The following STK31 variants were observed in gnomAD, a reference collection of about 807,000 sequenced individuals.
STK31 encodes serine/threonine-protein kinase 31.
A neutral mutation model predicts 129.7 loss-of-function variants in STK31; 89 were observed. The observed-to-expected ratio is 0.69, with a 90% CI of 0.58 to 0.82. STK31 has a LOEUF of 0.82. Ranked by LOEUF, STK31 falls within the 40% of genes least tolerant of loss-of-function variation. The pLI is 0.00. For missense variants in STK31, 1,187 were observed against 1,176.4 expected (o/e 1.01, Z -0.13); for synonymous variants, 448 against 395.3 (o/e 1.13, Z -1.58).
rs573951042 is a variant in STK31 at position 23,710,461 on chromosome 7, C to T, written c.50+126C>T. ...TTCAGGGTTTTCTGTCACCTTCTAG[C>T]CGCCCGCCACCCCAGAGGGGTGCCA... On this transcript the variant is annotated intron_variant, in intron 1 of 23. Coordinates refer to ENST00000355870, the MANE Select transcript of STK31 (RefSeq NM_031414.5). The T allele has an allele frequency of 1.2e-5, 19 of 1,556,314 alleles. No individual in the cohort carries two copies. In the South Asian group the frequency reaches 1.8e-4, roughly 15 times the overall value.
chr7:23,721,692 G>T, intron 4 of STK31: 1 of 798,448 alleles, frequency 1.3e-6, no homozygotes, highest in South Asian at 1.3e-5. Context: ...ACAGAATCTG[G>T]TTTACCATTA....
At chr7:23,769,308 T>A in intron 12 of STK31, 134 bp downstream of exon 12, 1 of 785,424 alleles carries the variant, frequency 1.3e-6, no homozygotes. Context: ...ACCTTACCAG[T>A]CAAGGTTCTT....
rs1187851647 is a variant in STK31, at chr7:23,826,772, CT to C, written c.2830-5360del. On this transcript the variant is annotated intron_variant, in intron 23 of 23. Transcript: ENST00000355870. ...ATGTTTAGTGCTTCCTTCACGAGCT[CT>C]TTTAGGGCAGGTCTGGTGGTGACAA... Among the ~76,000 whole-genome samples, 3 of 152,114 alleles carry C rather than the reference CT, an allele frequency of 2.0e-5. No individual in the cohort carries two copies. In the East Asian group the frequency reaches 5.8e-4, roughly 29 times the overall value.
At chr7:23,722,600 ACT>A (rs780760854) in intron 4 of STK31, 2 of 152,178 alleles carry the variant, frequency 1.3e-5, no homozygotes, top group South Asian at 4.2e-4. Flanking sequence ...GAGAACCACT[ACT>A]CTCTTCAAAG....
In STK31 at chr7:23,788,919, C is replaced by T. The variant is rs551593044; in HGVS notation, c.2637+790C>T. Among the ~76,000 whole-genome samples the T allele has an allele frequency of 4.6e-5, 7 of 152,212 alleles. No homozygotes were observed. In the East Asian group the frequency reaches 9.6e-4, roughly 21 times the overall value. ...GTATTGAATTCCAGAACATTATTAA[C>T]ATTCCCAAAAAGAAAATCCATACTG... On this transcript the variant is annotated intron_variant, in intron 21 of 23. Transcript: ENST00000355870.
At chr7:23,813,032 G>A (rs1361292172) in intron 22 of STK31, among the ~76,000 whole-genome samples, 1 of 143,180 alleles carries the variant, frequency 7.0e-6, no homozygotes, top group East Asian at 2.1e-4. Context: ...GACTCTGAAA[G>A]TTGGATCTTT....
intron 10 of STK31, among the ~76,000 whole-genome samples, chr7:23,755,690 A>AG (rs1789029830): frequency 6.6e-6 from 1 of 152,218 alleles, no homozygotes; most frequent in African/African-American, 2.4e-5. Context: ...AGTGTAAGGA[A>AG]GGGGTTCAGT....
chr7:23,831,410 A>T (rs1413988715), intron 23 of STK31, among the ~76,000 whole-genome samples: 3 of 152,070 alleles, frequency 2.0e-5, no homozygotes, highest in Non-Finnish European at 4.4e-5. Context: ...GTCTTACCTG[A>T]TACAAGTATA....
intron 8 of STK31, among the ~76,000 whole-genome samples, chr7:23,742,671 GC>G (rs1403040067): frequency 6.6e-6 from 1 of 152,150 alleles, no homozygotes; most frequent in Non-Finnish European, 1.5e-5. Context: ...CTGGTTTCTG[GC>G]TAGGCATGCT....
chr7:23,721,806 A>G (rs1179750461), intron 4 of STK31: 25 of 596,242 alleles, frequency 4.2e-5, no homozygotes, highest in Non-Finnish European at 6.9e-5. Context: ...CTCTACAGGC[A>G]TGATCCTCTA....
chr7:23,807,916 T>G (rs73084767), intron 22 of STK31, among the ~76,000 whole-genome samples: 1 of 152,032 alleles, frequency 6.6e-6, no homozygotes, highest in South Asian at 2.1e-4. Context: ...TGTCTTCTGT[T>G]TCTTTGCTTT....
At chr7:23,784,712 T>C (rs1309658740) in intron 17 of STK31, among the ~76,000 whole-genome samples, 2 of 152,134 alleles carry the variant, frequency 1.3e-5, no homozygotes, top group Non-Finnish European at 2.9e-5. Context: ...AAAACAATTC[T>C]ACAATGCCTC....
intron 4 of STK31, among the ~76,000 whole-genome samples, chr7:23,720,011 A>G (rs1386070036): frequency 1.3e-5 from 2 of 152,186 alleles, no homozygotes; most frequent in Non-Finnish European, 2.9e-5. Flanking sequence ...CCTTCTTAAC[A>G]AAGAATGTCT....
At chr7:23,783,442 G>T in intron 16 of STK31, 141 bp from the exon 17 acceptor site, 4 of 510,568 alleles carry the variant, frequency 7.8e-6, no homozygotes, top group African/African-American at 2.0e-5. Context: ...GTTATTTCTT[G>T]AAGTAGAAGG....
rs1445874926 is a variant in STK31 at position 23,797,765 on chromosome 7, G to T, written c.2760+6819G>T. ...AAGACAAGAAATAATTAAGATCAGG[G>T]CAGAACTGCAGGAGCTGGAGACATG... On this transcript the variant is annotated intron_variant, in intron 22 of 23. Coordinates refer to ENST00000355870, the MANE Select transcript of STK31 (RefSeq NM_031414.5). Among the ~76,000 whole-genome samples the T allele has an allele frequency of 2.7e-5, 4 of 150,810 alleles. No homozygotes were observed. In the East Asian group the frequency reaches 5.9e-4, roughly 22 times the overall value.
chr7:23,823,500 C>G (rs1399244559), intron 23 of STK31, among the ~76,000 whole-genome samples: 1 of 152,018 alleles, frequency 6.6e-6, no homozygotes, highest in East Asian at 1.9e-4. Flanking sequence ...GATATTAGCC[C>G]TTTGTCAGAT....
chr7:23,800,989 A>G (rs1792332753), intron 22 of STK31, among the ~76,000 whole-genome samples: 1 of 152,158 alleles, frequency 6.6e-6, no homozygotes, highest in African/African-American at 2.4e-5. Flanking sequence ...CCAGTGTCTG[A>G]CTATTGCAGA....
chr7:23,826,858 A>C (rs1181169375), intron 23 of STK31, among the ~76,000 whole-genome samples: 1 of 152,072 alleles, frequency 6.6e-6, no homozygotes, highest in Non-Finnish European at 1.5e-5. Context: ...TATGAAGCTT[A>C]GTTTGGCTGG....
chr7:23,808,150 A>AATATAT (rs569815420), intron 22 of STK31, among the ~76,000 whole-genome samples: 54 of 130,836 alleles, frequency 4.1e-4, no homozygotes, highest in South Asian at 1.5e-3. Context: ...AATCCTTTTT[A>AATATAT]ATATATATAT....
Sources: gnomAD v4.1 joint callset for allele counts (sites outside exome capture counted in the v4.1 genomes callset) on GRCh38, gnomAD v4.1.1 for gene constraint, MANE v1.5 for transcripts, NCBI Gene and HGNC (gene_info 2026-07-23, HGNC 2026-07-21) for gene names.